The following EYS variants were observed in gnomAD, a reference collection of about 807,000 sequenced individuals.
The protein encoded by EYS is protein eyes shut homolog.
Under a neutral mutation model 282.1 loss-of-function variants are expected in EYS, and 250 were observed. The ratio of observed to expected loss-of-function variants is 0.89; its 90% CI spans 0.80 to 0.98. The LOEUF (loss-of-function observed/expected upper bound fraction) is 0.98, where lower values mean the gene tolerates loss of function less well. EYS is among the 50% of genes least tolerant of loss of function. EYS has a pLI of 0.00. For missense variants in EYS, 4,016 were observed against 3,709.0 expected (o/e 1.08, Z -2.15); for synonymous variants, 1,355 against 1,282.9 (o/e 1.06, Z -1.20).
At chr6:64,675,563 G>A (rs1351507703) in intron 22 of EYS, among the ~76,000 whole-genome samples, 1 of 151,416 alleles carries the variant, frequency 6.6e-6, no homozygotes, top group Non-Finnish European at 1.5e-5. Flanking sequence ...GAGTACCTGG[G>A]TGGTTACAGG....
At chr6:63,815,578 A>C (rs919974296) in intron 36 of EYS, among the ~76,000 whole-genome samples, 1 of 152,204 alleles carries the variant, frequency 6.6e-6, no homozygotes, top group Non-Finnish European at 1.5e-5. Flanking sequence ...TCCTCCTTCT[A>C]TATTTAATAG....
chr6:64,129,320 C>T (rs571306641), intron 31 of EYS, among the ~76,000 whole-genome samples: 1 of 152,298 alleles, frequency 6.6e-6, no homozygotes, highest in South Asian at 2.1e-4. Context: ...GTCATTCTAA[C>T]TGGTGTGAGA....
chr6:64,338,244 C>G (rs760376256), intron 29 of EYS, among the ~76,000 whole-genome samples: 10 of 151,970 alleles, frequency 6.6e-5, no homozygotes, highest in Non-Finnish European at 1.5e-4. Context: ...AAGACTCCTC[C>G]AGAAAGCTCC....
rs562934139 is a variant in EYS, at chr6:64,216,272, GACAA to G, written c.6424+14316_6424+14319del. Among the ~76,000 whole-genome samples the G allele has an allele frequency of 2.7e-3, 416 of 152,276 alleles. 2 individuals carry two copies. The highest frequency in any genetic ancestry group is 0.01 in the Middle Eastern group (3 of 294). On this transcript the variant is annotated intron_variant, in intron 31 of 42. Coordinates refer to ENST00000503581, the MANE Select transcript of EYS (RefSeq NM_001142800.2). Reference sequence around the variant, plus strand: ...CAAATCATATTTTCAAACTCTAAGAGACAAACAAAGTCTCTAAATTAGAAATAAA... The same window carrying G: ...CAAATCATATTTTCAAACTCTAAGAGACAAAGTCTCTAAATTAGAAATAAA...
chr6:64,718,838 G>A (rs9452518), intron 22 of EYS, among the ~76,000 whole-genome samples: 149,300 of 152,322 alleles, frequency 0.98, 73,204 homozygotes, highest in Non-Finnish European at 1. Context: ...TAAGCAGTAT[G>A]ATAGCTCCCT....
intron 1 of EYS, among the ~76,000 whole-genome samples, chr6:65,645,522 G>A (rs1228995708): frequency 1.3e-5 from 2 of 152,134 alleles, no homozygotes; most frequent in East Asian, 3.9e-4. Flanking sequence ...CTGGGATACG[G>A]CAAAAGTGGT....
At chr6:64,477,152 C>T (rs545631550) in intron 26 of EYS, among the ~76,000 whole-genome samples, 19 of 152,262 alleles carry the variant, frequency 1.2e-4, no homozygotes, top group Non-Finnish European at 2.5e-4. Flanking sequence ...GGGTTCTACA[C>T]GTCGTTTCTC....
chr6:64,892,353 T>A (rs1047620220), intron 18 of EYS, among the ~76,000 whole-genome samples: 18 of 151,968 alleles, frequency 1.2e-4, no homozygotes, highest in Non-Finnish European at 1.5e-5. Context: ...AATGTTTTAA[T>A]GAGAGTTTTG....
intron 2 of EYS, among the ~76,000 whole-genome samples, chr6:65,502,449 A>G (rs1435527352): frequency 1.3e-5 from 2 of 151,842 alleles, no homozygotes; most frequent in East Asian, 3.9e-4. Flanking sequence ...AGAGTGCCGA[A>G]TGTTCTCATG....
chr6:65,415,734 G>A (rs1767204546), intron 5 of EYS, among the ~76,000 whole-genome samples: 1 of 151,998 alleles, frequency 6.6e-6, no homozygotes, highest in Non-Finnish European at 1.5e-5. Flanking sequence ...AAAATATGAA[G>A]CAAAGACAAA....
At position 64,517,000 on chromosome 6, in the gene EYS, C is replaced by A. The variant is rs758314607; in HGVS notation, c.5644+73223G>T. On this transcript the variant is annotated intron_variant, in intron 26 of 42. Transcript: ENST00000503581. ...GCTTTGTTAAAGATATCTCTTAATA[C>A]TAGCACAGCATAAATATCTGTGAAA... Among the ~76,000 whole-genome samples the A allele has an allele frequency of 1.5e-3, 224 of 151,768 alleles. 3 individuals are homozygous for A. Among genetic ancestry groups the A allele is most frequent in the Admixed American group, 2.5e-3 (38 of 15,180 alleles).
intron 1 of EYS, among the ~76,000 whole-genome samples, chr6:65,674,102 G>T (rs551421632): frequency 6.6e-6 from 1 of 151,916 alleles, no homozygotes; most frequent in African/African-American, 2.4e-5. Flanking sequence ...GAAATGACAA[G>T]CAAAAAGAAA....
chr6:65,354,178 C>T (rs1483065050), intron 8 of EYS, among the ~76,000 whole-genome samples: 1 of 152,074 alleles, frequency 6.6e-6, no homozygotes, highest in Admixed American at 6.6e-5. Flanking sequence ...TTGAGGTCAT[C>T]ACTAAGTTTT....
intron 24 of EYS, among the ~76,000 whole-genome samples, chr6:64,612,802 T>A (rs1263004019): frequency 6.6e-6 from 1 of 152,102 alleles, no homozygotes; most frequent in Non-Finnish European, 1.5e-5. Flanking sequence ...ATCCTGTAAA[T>A]ATGTAGCTGA....
chr6:64,734,841 C>G (rs186350554), intron 22 of EYS, among the ~76,000 whole-genome samples: 2 of 151,970 alleles, frequency 1.3e-5, no homozygotes, highest in Admixed American at 6.6e-5. Context: ...TTTAATATAT[C>G]TTTTGAGTAT....
chr6:64,552,739 C>T (rs1051848453), intron 26 of EYS, among the ~76,000 whole-genome samples: 1 of 149,128 alleles, frequency 6.7e-6, no homozygotes, highest in Non-Finnish European at 1.5e-5. Context: ...ATGGTGAACC[C>T]CCCCCACCAT....
At chr6:63,886,513 T>A (rs184411481) in intron 35 of EYS, among the ~76,000 whole-genome samples, 23 of 152,330 alleles carry the variant, frequency 1.5e-4, no homozygotes, top group African/African-American at 5.5e-4. Context: ...CAAGAAGTAA[T>A]GCTATGCAAG....
intron 31 of EYS, among the ~76,000 whole-genome samples, chr6:64,149,143 C>T (rs1440421106): frequency 6.6e-6 from 1 of 152,094 alleles, no homozygotes; most frequent in Non-Finnish European, 1.5e-5. Flanking sequence ...TTACTTTTTG[C>T]AGAAATCATA....
At chr6:63,902,780 G>A (rs1251125418) in intron 35 of EYS, among the ~76,000 whole-genome samples, 1 of 131,392 alleles carries the variant, frequency 7.6e-6, no homozygotes, top group Non-Finnish European at 1.6e-5. Context: ...AATATTGACT[G>A]TAGAATAAGG....
Sources: allele counts gnomAD v4.1 joint callset (sites outside exome capture counted in the v4.1 genomes callset), GRCh38; gene constraint gnomAD v4.1.1; transcripts MANE v1.5; gene names NCBI Gene and HGNC (gene_info 2026-07-23, HGNC 2026-07-21).